Variants in MOB3B observed in about 807,000 individuals in gnomAD.
MOB3B encodes the protein MOB kinase activator-like 2B.
Under a neutral mutation model 18.7 loss-of-function variants are expected in MOB3B, and 7 were observed. The ratio of observed to expected loss-of-function variants is 0.37; its 90% CI spans 0.21 to 0.70. The LOEUF is 0.70. MOB3B is among the 30% of genes least tolerant of loss of function. The pLI is 0.52. For missense variants in MOB3B, 253 were observed against 281.3 expected (o/e 0.90, Z 0.72); for synonymous variants, 111 against 99.9 (o/e 1.11, Z -0.66).
intron 2 of MOB3B, among the ~76,000 whole-genome samples, chr9:27,437,680 A>G (rs1313607283): frequency 6.6e-6 from 1 of 152,204 alleles, no homozygotes; most frequent in Non-Finnish European, 1.5e-5. Context: ...TGCATTTTAC[A>G]TTTGTCAAAT....
intron 2 of MOB3B, among the ~76,000 whole-genome samples, chr9:27,412,007 A>G (rs1166496842): frequency 6.6e-6 from 1 of 152,196 alleles, no homozygotes; most frequent in Non-Finnish European, 1.5e-5. Flanking sequence ...CTATTAATTA[A>G]GATAAAAAAA....
At chr9:27,358,802 T>C (rs1821229592) in intron 3 of MOB3B, 1 of 723,244 alleles carries the variant, frequency 1.4e-6, no homozygotes, top group East Asian at 2.7e-5. Flanking sequence ...ACTATTATAT[T>C]CCCACAACAT....
chr9:27,390,165 C>T (rs563991251), intron 2 of MOB3B, among the ~76,000 whole-genome samples: 1 of 152,068 alleles, frequency 6.6e-6, no homozygotes, highest in South Asian at 2.1e-4. Flanking sequence ...GCAACCTCCG[C>T]CTACCTCCGC....
intron 2 of MOB3B, among the ~76,000 whole-genome samples, chr9:27,368,633 T>A (rs1318998554): frequency 1.3e-5 from 2 of 152,210 alleles, no homozygotes; most frequent in Non-Finnish European, 2.9e-5. Flanking sequence ...AACTGGCTAC[T>A]ACTCTGTTTT....
chr9:27,470,390 A>G (rs1197348263), intron 1 of MOB3B, among the ~76,000 whole-genome samples: 5 of 152,246 alleles, frequency 3.3e-5, no homozygotes, highest in African/African-American at 7.2e-5. Flanking sequence ...CGCTTGATCA[A>G]TCGGACAACT....
chr9:27,488,301 A>G (rs1819760928), intron 1 of MOB3B, among the ~76,000 whole-genome samples: 1 of 152,226 alleles, frequency 6.6e-6, no homozygotes, highest in South Asian at 2.1e-4. Context: ...AACTCCAACC[A>G]TATCACCCAA....
At chr9:27,450,568 AC>A (rs1440664724) in intron 2 of MOB3B, among the ~76,000 whole-genome samples, 1 of 152,190 alleles carries the variant, frequency 6.6e-6, no homozygotes, top group East Asian at 1.9e-4. Flanking sequence ...AAAAACAAAA[AC>A]AAAACAGGTC....
Position 27,492,832 on chromosome 9 carries a change from C to A in MOB3B, c.-199+36723G>T, listed in dbSNP as rs138990552. Among the ~76,000 whole-genome samples, 5 of 152,252 alleles carry A rather than the reference C, an allele frequency of 3.3e-5. No homozygotes were observed. The East Asian group carries it at 9.6e-4, about 29-fold the overall frequency. Reference sequence around the variant, plus strand: ...GGGTACTGCAGGGGAAAGGGCAACGCTTTGGAACAAAGCAATCCTGCATTT... The same window carrying A: ...GGGTACTGCAGGGGAAAGGGCAACGATTTGGAACAAAGCAATCCTGCATTT... On this transcript the variant is annotated intron_variant, in intron 1 of 3. Transcript: ENST00000262244.
chr9:27,501,968 G>A (rs1819998887), intron 1 of MOB3B, among the ~76,000 whole-genome samples: 1 of 151,978 alleles, frequency 6.6e-6, no homozygotes, highest in Non-Finnish European at 1.5e-5. Flanking sequence ...TGCTCTTTCA[G>A]GAAAAAAACA....
At position 27,522,009 on chromosome 9, in the gene MOB3B, G is replaced by A. The variant is rs535233025; in HGVS notation, c.-199+7546C>T. ...TGTAATCCCAGCACTTTGGGAGGCC[G>A]AGGCGGTCGGATCATGAGGTCAGGA... On this transcript the variant is annotated intron_variant, in intron 1 of 3. Transcript: ENST00000262244. Among the ~76,000 whole-genome samples the A allele has an allele frequency of 1.3e-4, 20 of 151,992 alleles. 1 individual carries two copies. The highest frequency in any genetic ancestry group is 1.2e-3 in the Admixed American group (19 of 15,266).
At chr9:27,336,350 C>T (rs73431177) in intron 3 of MOB3B, among the ~76,000 whole-genome samples, 9,020 of 152,178 alleles carry the variant, frequency 0.059, 917 homozygotes, top group African/African-American at 0.2. Context: ...AGAGCTACCA[C>T]AGCAGCATTT....
intron 2 of MOB3B, among the ~76,000 whole-genome samples, chr9:27,373,924 C>T (rs1413334377): frequency 1.3e-5 from 2 of 152,238 alleles, no homozygotes; most frequent in Non-Finnish European, 2.9e-5. Context: ...GATGAGTAAA[C>T]AGGCTATATC....
chr9:27,448,196 C>G (rs1173606476), intron 2 of MOB3B, among the ~76,000 whole-genome samples: 1 of 152,176 alleles, frequency 6.6e-6, no homozygotes. Flanking sequence ...AAACTCAGTT[C>G]TGCCTGTGTG....
intron 2 of MOB3B, among the ~76,000 whole-genome samples, chr9:27,424,847 C>G (rs1822303536): frequency 6.6e-6 from 1 of 152,154 alleles, no homozygotes; most frequent in African/African-American, 2.4e-5. Flanking sequence ...ATCCATGTTC[C>G]ATACTTGTGT....
At chr9:27,403,693 C>G (rs1035493152) in intron 2 of MOB3B, among the ~76,000 whole-genome samples, 1 of 151,958 alleles carries the variant, frequency 6.6e-6, no homozygotes, top group African/African-American at 2.4e-5. Context: ...GCTGGCCAGG[C>G]TGGTCCTGAA....
intron 1 of MOB3B, among the ~76,000 whole-genome samples, chr9:27,490,635 G>C (rs1330630533): frequency 6.6e-6 from 1 of 152,132 alleles, no homozygotes; most frequent in Non-Finnish European, 1.5e-5. Flanking sequence ...CTCAGGAGCT[G>C]GGAGTAAGGA....
intron 2 of MOB3B, among the ~76,000 whole-genome samples, chr9:27,405,241 G>A (rs1289912867): frequency 6.6e-6 from 1 of 151,364 alleles, no homozygotes; most frequent in East Asian, 2.0e-4. Context: ...CTGAGTAGCT[G>A]GGATTACAGG....
intron 2 of MOB3B, chr9:27,378,563 G>T (rs967852947): frequency 1.1e-5 from 5 of 470,986 alleles, no homozygotes; most frequent in Non-Finnish European, 2.2e-5. Context: ...GAAGGTGAGG[G>T]CCGGGGATCT....
intron 1 of MOB3B, among the ~76,000 whole-genome samples, chr9:27,504,132 T>C (rs928352479): frequency 1.5e-4 from 23 of 152,340 alleles, no homozygotes; most frequent in Admixed American, 2.6e-4. Flanking sequence ...TTGCTCAACT[T>C]TAAATTCATA....
Sources: gnomAD v4.1 joint callset for allele counts (sites outside exome capture counted in the v4.1 genomes callset) on GRCh38, gnomAD v4.1.1 for gene constraint, MANE v1.5 for transcripts, NCBI Gene and HGNC (gene_info 2026-07-23, HGNC 2026-07-21) for gene names.